The following TLE4 variants were observed in gnomAD, a reference collection of about 807,000 sequenced individuals.
TLE4 encodes the protein TLE family member 4, transcriptional corepressor.
TLE4 carries 8 observed loss-of-function variants against 92.8 expected under a neutral mutation model. The ratio of observed to expected loss-of-function variants is 0.09; its 90% CI spans 0.05 to 0.16. The LOEUF (loss-of-function observed/expected upper bound fraction) is 0.16, where lower values mean the gene tolerates loss of function less well. TLE4 is among the 10% of genes least tolerant of loss of function. TLE4 has a pLI of 1.00. For missense variants in TLE4, 675 were observed against 997.6 expected, an observed-to-expected ratio of 0.68 and a Z score of 4.36; for synonymous variants, 371 against 374.1, an observed-to-expected ratio of 0.99 and a Z score of 0.10.
chr9:79,681,029 C>T (rs1187700667), intron 8 of TLE4, among the ~76,000 whole-genome samples: 1 of 152,016 alleles, frequency 6.6e-6, no homozygotes, highest in Non-Finnish European at 1.5e-5. Flanking sequence ...TTCGTTTTGC[C>T]AGTATTTTAT....
chr9:79,713,967 G>T lies in TLE4; in HGVS notation c.1340+4268G>T, dbSNP rs1359497043. 2.0e-5 allele frequency among the ~76,000 whole-genome samples: 3 copies of T among 152,176 alleles called. No individual in the cohort carries two copies. The East Asian group carries it at 5.8e-4, about 29-fold the overall frequency. On this transcript the variant is annotated intron_variant, in intron 14 of 19. Transcript: ENST00000376552. ...CAACCTCTGCCTCCTGGGTTCAAAT[G>T]ATTCACATGCCTCGGCCTCCCAAGT...
intron 6 of TLE4, among the ~76,000 whole-genome samples, chr9:79,646,153 G>T (rs2058076690): frequency 6.6e-6 from 1 of 151,918 alleles, no homozygotes; most frequent in Admixed American, 6.6e-5. Context: ...GTTATACTGT[G>T]TACTCTTAAT....
At chr9:79,640,570 T>C (rs986582931) in intron 6 of TLE4, among the ~76,000 whole-genome samples, 8 of 152,114 alleles carry the variant, frequency 5.3e-5, no homozygotes, top group African/African-American at 1.7e-4. Flanking sequence ...TAGTTACTTA[T>C]GTTCCAAATT....
chr9:79,638,807 C>G (rs1191967060), intron 6 of TLE4, among the ~76,000 whole-genome samples: 1 of 152,140 alleles, frequency 6.6e-6, no homozygotes, highest in Admixed American at 6.6e-5. Context: ...GGATTGAAAG[C>G]TCAGAGGTTG....
intron 4 of TLE4, among the ~76,000 whole-genome samples, chr9:79,595,939 C>T (rs543734273): frequency 3.3e-5 from 5 of 151,740 alleles, no homozygotes; most frequent in Admixed American, 6.6e-5. Flanking sequence ...CTCTGCCTCC[C>T]GGGTTCACAC....
intron 6 of TLE4, among the ~76,000 whole-genome samples, chr9:79,647,846 A>G (rs2058329860): frequency 1.3e-5 from 2 of 152,006 alleles, no homozygotes; most frequent in African/African-American, 2.4e-5. Context: ...AAGTGGTGTC[A>G]GAATTGAGAG....
chr9:79,611,443 T>G (rs1012823647), intron 4 of TLE4, among the ~76,000 whole-genome samples: 7 of 152,010 alleles, frequency 4.6e-5, no homozygotes, highest in African/African-American at 1.7e-4. Context: ...ATTTAAAAGA[T>G]TGCATAGCTA....
In TLE4 at chr9:79,584,455, C is replaced by T. The variant is rs192654755; in HGVS notation, c.252+8278C>T. Reference sequence around the variant, plus strand: ...GCTATCTGGCATTCCTGAACTGTACCATGCAAACACACTGTGTTAGATACT... The same window carrying T: ...GCTATCTGGCATTCCTGAACTGTACTATGCAAACACACTGTGTTAGATACT... On this transcript the variant is annotated intron_variant, in intron 4 of 19. Transcript: ENST00000376552. Among the ~76,000 whole-genome samples, 5 of 152,308 alleles carry T rather than the reference C, an allele frequency of 3.3e-5. 1 individual carries two copies. Among genetic ancestry groups the T allele is most frequent in the African/African-American group, 1.2e-4 (5 of 41,578 alleles).
intron 4 of TLE4, among the ~76,000 whole-genome samples, chr9:79,603,964 A>G (rs1372697890): frequency 6.6e-6 from 1 of 152,116 alleles, no homozygotes; most frequent in Admixed American, 6.5e-5. Context: ...CCCTTTTCCA[A>G]TTTGGATTTT....
chr9:79,592,217 T>TCTTCTTCTTCTTCTTCTTCCTTCTG (rs1364734487), intron 4 of TLE4, among the ~76,000 whole-genome samples: 2 of 125,342 alleles, frequency 1.6e-5, no homozygotes, highest in Non-Finnish European at 3.3e-5. Flanking sequence ...TTCTTCTTCC[T>TCTTCTTCTTCTTCTTCTTCCTTCTG]CTTCTTCTTC....
intron 5 of TLE4, among the ~76,000 whole-genome samples, chr9:79,624,819 C>T (rs189258558): frequency 8.5e-5 from 13 of 152,248 alleles, no homozygotes; most frequent in Admixed American, 8.5e-4. Context: ...ATCTCCGTCT[C>T]ATGGAAACTA....
Position 79,595,484 on chromosome 9 carries a change from C to T in TLE4, c.253-17172C>T, listed in dbSNP as rs185033073. Among the ~76,000 whole-genome samples the T allele has an allele frequency of 4.6e-5, 7 of 152,232 alleles. No homozygotes were observed. The East Asian group carries it at 7.7e-4, about 17-fold the overall frequency. ...AGTTAACCGTTATCTTTTTGCTGAT[C>T]GGTAACAATGTGGGAACTAGCTACT... On this transcript the variant is annotated intron_variant, in intron 4 of 19. Transcript: ENST00000376552.
chr9:79,595,119 TG>T (rs1357922808), intron 4 of TLE4, among the ~76,000 whole-genome samples: 1 of 152,214 alleles, frequency 6.6e-6, no homozygotes, highest in Non-Finnish European at 1.5e-5. Flanking sequence ...TTTTTGCAAC[TG>T]TAGACACTTG....
At chr9:79,700,697 C>T (rs1410414882) in intron 8 of TLE4, among the ~76,000 whole-genome samples, 1 of 152,082 alleles carries the variant, frequency 6.6e-6, no homozygotes, top group Non-Finnish European at 1.5e-5. Context: ...CAGATCTACC[C>T]TGTTCTTTTT....
intron 6 of TLE4, among the ~76,000 whole-genome samples, chr9:79,650,117 T>C (rs1008236089): frequency 1.7e-4 from 26 of 152,198 alleles, no homozygotes; most frequent in African/African-American, 2.9e-4. Context: ...GATTTTGCCA[T>C]GTTGCCCAGG....
At chr9:79,594,259 G>T (rs1458616666) in intron 4 of TLE4, among the ~76,000 whole-genome samples, 1 of 152,196 alleles carries the variant, frequency 6.6e-6, no homozygotes, top group East Asian at 1.9e-4. Context: ...AAAAGATCAG[G>T]TGATACTGAT....
At chr9:79,629,820 T>C (rs1304224876) in intron 6 of TLE4, among the ~76,000 whole-genome samples, 1 of 152,248 alleles carries the variant, frequency 6.6e-6, no homozygotes, top group African/African-American at 2.4e-5. Context: ...AGGTTCTCTT[T>C]GTCTTTTTAG....
chr9:79,711,965 G>T (rs2073406050), intron 14 of TLE4, among the ~76,000 whole-genome samples: 1 of 152,166 alleles, frequency 6.6e-6, no homozygotes, highest in Admixed American at 6.5e-5. Context: ...ATCCAAGTTT[G>T]AATTTAGACT....
intron 4 of TLE4, 122 bp downstream of exon 4, chr9:79,576,299 G>A (rs1420512207): frequency 1.8e-6 from 1 of 569,866 alleles, no homozygotes; most frequent in African/African-American, 1.9e-5. Flanking sequence ...TAAAAGTCTG[G>A]GTAGTGAAGA....
Sources: allele counts gnomAD v4.1 joint callset (sites outside exome capture counted in the v4.1 genomes callset), GRCh38; gene constraint gnomAD v4.1.1; transcripts MANE v1.5; gene names NCBI Gene and HGNC (gene_info 2026-07-23, HGNC 2026-07-21).